Variants in EHMT1 observed in about 807,000 individuals in gnomAD.
EHMT1 encodes euchromatic histone lysine methyltransferase 1, also known as histone-lysine N-methyltransferase EHMT1.
EHMT1 carries 15 observed loss-of-function variants against 147.2 expected under a neutral mutation model. The ratio of observed to expected loss-of-function variants is 0.10; its 90% confidence interval spans 0.07 to 0.16. The LOEUF is 0.16. Among genes scored for constraint, EHMT1 ranks in the 10% least tolerant of loss-of-function variants. The pLI is 1.00. For missense variants in EHMT1, 1,587 were observed against 1,772.4 expected, an observed-to-expected ratio of 0.90 and a Z score of 1.88; for synonymous variants, 795 against 709.6, an observed-to-expected ratio of 1.12 and a Z score of -1.91.
chr9:137,634,830 G>A (rs376464784), intron 1 of EHMT1, among the ~76,000 whole-genome samples: 34 of 139,442 alleles, frequency 2.4e-4, no homozygotes, highest in African/African-American at 8.0e-4. Context: ...AGCTTCCCGA[G>A]TAGCTGGGAC....
At position 137,686,391 on chromosome 9, in the gene EHMT1, T is replaced by A. The variant is rs532295318; in HGVS notation, c.22-24576T>A. Among the ~76,000 whole-genome samples, 222 of 152,244 alleles carry A rather than the reference T, an allele frequency of 1.5e-3. 3 individuals carry two copies. The highest frequency in any genetic ancestry group is 7.9e-3 in the South Asian group (38 of 4,824). ...TTTGAGGCAGTTTTAAAAATTTTTT[T>A]AATTTTTTTATTTTTTGAGGCAGGG... On this transcript the variant is annotated intron_variant, in intron 1 of 26. Coordinates refer to ENST00000460843, the MANE Select transcript of EHMT1 (RefSeq NM_024757.5).
At chr9:137,682,460 A>C (rs914634160) in intron 1 of EHMT1, among the ~76,000 whole-genome samples, 2 of 152,082 alleles carry the variant, frequency 1.3e-5, no homozygotes, top group East Asian at 1.9e-4. Context: ...ATCTTTCTCA[A>C]ATCTTAGCCT....
chr9:137,830,258 C>G (rs981985732), intron 25 of EHMT1, among the ~76,000 whole-genome samples: 1 of 152,172 alleles, frequency 6.6e-6, no homozygotes, highest in Non-Finnish European at 1.5e-5. Flanking sequence ...ACACCCAGGC[C>G]TCCCTTATGT....
At chr9:137,802,706 G>T (rs1402596291) in intron 18 of EHMT1, 4 of 771,400 alleles carry the variant, frequency 5.2e-6, no homozygotes, top group Non-Finnish European at 7.0e-6. Context: ...ACTGGCTGTG[G>T]GCACCCGCTG....
At chr9:137,804,820 G>A (rs1004622695) in intron 18 of EHMT1, among the ~76,000 whole-genome samples, 1 of 151,968 alleles carries the variant, frequency 6.6e-6, no homozygotes, top group Non-Finnish European at 1.5e-5. Flanking sequence ...GCCATTTGTT[G>A]AGAAAACCAT....
At chr9:137,760,431 C>T (rs1327031771) in intron 9 of EHMT1, among the ~76,000 whole-genome samples, 1 of 151,854 alleles carries the variant, frequency 6.6e-6, no homozygotes, top group Non-Finnish European at 1.5e-5. Context: ...ATCTCAGAGA[C>T]CCCCCCAGCT....
At chr9:137,629,298 G>A (rs534232700) in intron 1 of EHMT1, among the ~76,000 whole-genome samples, 2 of 150,204 alleles carry the variant, frequency 1.3e-5, no homozygotes, top group African/African-American at 2.4e-5. Context: ...CTCTATGTTC[G>A]TCAGGCTGGT....
chr9:137,678,617 G>T (rs1423832858), intron 1 of EHMT1, among the ~76,000 whole-genome samples: 2 of 151,964 alleles, frequency 1.3e-5, no homozygotes, highest in Non-Finnish European at 2.9e-5. Context: ...AGATAGTACT[G>T]AACTCTCTAT....
intron 1 of EHMT1, among the ~76,000 whole-genome samples, chr9:137,629,017 T>TATA (rs1843442827): frequency 6.6e-6 from 1 of 152,196 alleles, no homozygotes; most frequent in Non-Finnish European, 1.5e-5. Flanking sequence ...GATTACTTTA[T>TATA]CCTAAGGTAA....
chr9:137,725,622 C>G (rs1255526786), intron 3 of EHMT1, among the ~76,000 whole-genome samples: 4 of 152,136 alleles, frequency 2.6e-5, no homozygotes, highest in Non-Finnish European at 5.9e-5. Flanking sequence ...TATGTCTGTT[C>G]TGGACATCAG....
chr9:137,659,693 C>T (rs976626308), intron 1 of EHMT1, among the ~76,000 whole-genome samples: 1 of 151,784 alleles, frequency 6.6e-6, no homozygotes, highest in Non-Finnish European at 1.5e-5. Flanking sequence ...GCTGGGACCA[C>T]CTACTACTGA....
chr9:137,723,585 T>C (rs28631840), intron 3 of EHMT1, among the ~76,000 whole-genome samples: 125 of 98,636 alleles, frequency 1.3e-3, no homozygotes, highest in African/African-American at 1.8e-3. Flanking sequence ...GGGCCTGAGC[T>C]CGGGGTGTGT....
At position 137,813,486 on chromosome 9, in the gene EHMT1, G is replaced by A. The variant is rs1954661324; in HGVS notation, c.3136G>A (p.Val1046Met). Reference protein sequence around the residue: ...SNYKYVSQNCVTSPMNIDRNI... With the variant: ...SNYKYVSQNCMTSPMNIDRNI... ...CTACAAGTACGTCTCTCAGAACTGC[G>A]TGACGTCCCCCATGAACATCGACAG... The change falls in exon 21 of 27, where the codon GTG (valine) becomes ATG (methionine). Residue 1046 changes from valine to methionine, a missense_variant. Physicochemically the swap from Val to Met is conservative, Grantham distance 21 (BLOSUM62 1). This residue lies in a region of EHMT1 where 156 missense variants were observed against 252.5 expected (regional missense o/e 0.62). Coordinates refer to ENST00000460843, the MANE Select transcript of EHMT1 (RefSeq NM_024757.5). The surrounding 1 kb of genome is among the most constrained non-coding windows in gnomAD (Gnocchi z 4.9). The A allele has an allele frequency of 3.1e-6, 5 of 1,614,042 alleles. No individual in the cohort carries two copies. Among genetic ancestry groups the A allele is most frequent in the Non-Finnish European group, 4.2e-6 (5 of 1,180,020 alleles).
intron 12 of EHMT1, 87 bp from the exon 13 acceptor site, chr9:137,777,795 T>G (rs1951069768): frequency 6.4e-7 from 1 of 1,574,676 alleles, no homozygotes; most frequent in Non-Finnish European, 8.7e-7. Context: ...AGCTCTCACT[T>G]AGAAAACAGC....
At chr9:137,677,327 G>A (rs879934519) in intron 1 of EHMT1, among the ~76,000 whole-genome samples, 2 of 151,614 alleles carry the variant, frequency 1.3e-5, no homozygotes, top group African/African-American at 2.4e-5. Flanking sequence ...AGAGACGGGG[G>A]TTTTGCCATG....
At chr9:137,666,542 G>T (rs1939670779) in intron 1 of EHMT1, among the ~76,000 whole-genome samples, 1 of 146,356 alleles carries the variant, frequency 6.8e-6, no homozygotes, top group Admixed American at 7.3e-5. Context: ...GCCAGGCTGT[G>T]CAGGGCAAGG....
chr9:137,774,980 C>A, intron 10 of EHMT1, 129 bp from the exon 11 acceptor site: 1 of 1,360,482 alleles, frequency 7.4e-7, no homozygotes, highest in Non-Finnish European at 1.0e-6. Flanking sequence ...GCTGGCCTTG[C>A]AGGGCTCGGC....
At chr9:137,729,033 C>T (rs1181190990) in intron 4 of EHMT1, among the ~76,000 whole-genome samples, 1 of 152,142 alleles carries the variant, frequency 6.6e-6, no homozygotes, top group Non-Finnish European at 1.5e-5. Flanking sequence ...TTACCGGGGA[C>T]CTTTTGTGGG....
intron 1 of EHMT1, among the ~76,000 whole-genome samples, chr9:137,705,717 C>G (rs1944209873): frequency 6.6e-6 from 1 of 152,312 alleles, no homozygotes; most frequent in East Asian, 1.9e-4. Flanking sequence ...AGCCCCAAGT[C>G]AGGGCTGTCC....
Sources: gnomAD v4.1 joint callset for allele counts (sites outside exome capture counted in the v4.1 genomes callset) on GRCh38, gnomAD v4.1.1 for gene constraint, gnomAD v4.1.1 regional missense constraint, Gnocchi (gnomAD v3.1) non-coding constraint, MANE v1.5 for transcripts, NCBI Gene and HGNC (gene_info 2026-07-23, HGNC 2026-07-21) for gene names.